Variants in PRDM1 observed in about 807,000 individuals in gnomAD.
PRDM1 encodes PR domain zinc finger protein 1.
PRDM1 carries 13 observed loss-of-function variants against 62.8 expected under a neutral mutation model. That is an observed-to-expected ratio of 0.21 (90% CI 0.13 to 0.33). The LOEUF (loss-of-function observed/expected upper bound fraction) is 0.33. Among genes scored for constraint, PRDM1 ranks in the 10% least tolerant of loss-of-function variants. The pLI is 1.00. For synonymous variants in PRDM1, 396 were observed against 417.6 expected (o/e 0.95, Z 0.63); for missense variants, 895 against 1,058.8 (o/e 0.85, Z 2.15).
At position 106,013,330 on chromosome 6, in the gene PRDM1, C is replaced by CTT. The variant is rs66943648; in HGVS notation, c.-67+19705_-67+19706dup. ...CCTGTAAACTGCTTTTTGAACTTTTCTTTTTTTTTTTTTTTGAGACAGAGT... is the reference window on the plus strand; with the variant it reads ...CCTGTAAACTGCTTTTTGAACTTTTCTTTTTTTTTTTTTTTTTGAGACAGAGT... On this transcript the variant is annotated intron_variant, in intron 1 of 6. Transcript: ENST00000652320. Among the ~76,000 whole-genome samples the CTT allele has an allele frequency of 3.2e-3, 455 of 140,078 alleles. 1 individual carries two copies. Among genetic ancestry groups the CTT allele is most frequent in the South Asian group, 6.5e-3 (29 of 4,452 alleles). 91.9% of individuals were successfully genotyped at this position (140,078 alleles called of 152,430 possible).
In PRDM1 at chr6:106,074,950, G is replaced by A. The variant is rs565664987; in HGVS notation, c.-66-13251G>A. On this transcript the variant is annotated intron_variant, in intron 1 of 6. Coordinates refer to the PRDM1 transcript ENST00000651185. ...GGCCTTGGTCCTGCATCAAAGATGG[G>A]AGAGTTGACATATTGTTTCCAATAC... Among the ~76,000 whole-genome samples the A allele has an allele frequency of 1.5e-3, 229 of 152,306 alleles. 1 individual carries two copies. The highest frequency in any genetic ancestry group is 5.4e-3 in the African/African-American group (226 of 41,570).
intron 1 of PRDM1, among the ~76,000 whole-genome samples, chr6:106,052,346 GA>G (rs1417266914): frequency 3.9e-5 from 6 of 152,082 alleles, no homozygotes; most frequent in Non-Finnish European, 8.8e-5. Flanking sequence ...ATTTTGGCAA[GA>G]TTTTTTTTAC....
At chr6:106,098,776 G>T in intron 3 of PRDM1, 3 of 1,483,670 alleles carry the variant, frequency 2.0e-6, no homozygotes, top group South Asian at 1.2e-5. Context: ...TGGAGGGTTG[G>T]GGGTGGAGGA....
chr6:106,092,213 T>C (rs978342653), intron 2 of PRDM1, among the ~76,000 whole-genome samples: 3 of 151,576 alleles, frequency 2.0e-5, no homozygotes, highest in Middle Eastern at 3.5e-3. Context: ...TCCTAAGCTG[T>C]CAAATCTCCT....
chr6:106,097,657 G>A (rs1774147108), intron 3 of PRDM1, among the ~76,000 whole-genome samples: 1 of 152,176 alleles, frequency 6.6e-6, no homozygotes, highest in Non-Finnish European at 1.5e-5. Context: ...TTACATATGC[G>A]TTATTTTATT....
At chr6:106,001,283 C>T (rs1772421532) in intron 1 of PRDM1, among the ~76,000 whole-genome samples, 1 of 152,118 alleles carries the variant, frequency 6.6e-6, no homozygotes, top group Non-Finnish European at 1.5e-5. Flanking sequence ...TAATTCCTTA[C>T]TGGTATGTTT....
At chr6:106,063,145 A>ACCT (rs1484997770) in intron 1 of PRDM1, among the ~76,000 whole-genome samples, 1 of 152,188 alleles carries the variant, frequency 6.6e-6, no homozygotes, top group Non-Finnish European at 1.5e-5. Context: ...CTAACTCAAC[A>ACCT]CCTCCTTTCC....
In PRDM1 at chr6:106,105,860, A is replaced by G. The variant is rs1467684599; in HGVS notation, c.1700A>G (p.Lys567Arg). 3.7e-6 allele frequency: 6 copies of G among 1,614,234 alleles called. No homozygotes were observed. Among genetic ancestry groups the G allele is most frequent in the Non-Finnish European group, 8.5e-7 (1 of 1,180,044 alleles). ...TACAAGACCCTTCCCTACCCGCTGA[A>G]GAAGCAGAACGGCAAGATCAAGTAC... ...TGYKTLPYPL[K>R]KQNGKIKYEC... The change falls in exon 5 of 7, where the codon AAG (lysine) becomes AGG (arginine). Residue 567 changes from lysine to arginine, a missense_variant. Physicochemically the swap from Lys to Arg is conservative, Grantham distance 26. Around this residue, in one of 4 missense-constraint regions of PRDM1, gnomAD observed 74 missense variants for 172.4 expected, o/e 0.43. Transcript: ENST00000369096.
In PRDM1 at chr6:106,107,005, C is replaced by T. The variant is rs781596851; in HGVS notation, c.1997C>T (p.Ala666Val). Residue 666 changes from alanine (A) to valine (V), a missense_variant, in exon 7 of 7, where the codon GCC (alanine) becomes GTC (valine). By Grantham distance (64) the Ala-to-Val change is moderately conservative. Coordinates refer to ENST00000369096, the MANE Select transcript of PRDM1 (RefSeq NM_001198.4). The part of the protein sequence containing the change: ...EKPYQCKVCP[A>V]KFTQFVHLKL... The stretch of plus-strand genomic sequence containing the variant: ...CCATACCAATGCAAGGTGTGCCCTG[C>T]CAAGTTCACCCAGTTTGTGCACCTG... The T allele has an allele frequency of 6.2e-7, 1 of 1,614,180 alleles. No homozygotes were observed. The highest frequency in any genetic ancestry group is 8.5e-7 in the Non-Finnish European group (1 of 1,180,042).
rs142530056 is a variant in PRDM1, at chr6:106,073,956, A to G, written c.-66-14245A>G. 9.2e-5 allele frequency among the ~76,000 whole-genome samples: 14 copies of G among 152,312 alleles called. No homozygotes were observed. In the East Asian group the frequency reaches 2.7e-3, roughly 29 times the overall value. On this transcript the variant is annotated intron_variant, in intron 1 of 6. Coordinates refer to the PRDM1 transcript ENST00000651185. ...ATCCACATGAGTGGAGACAAAGACT[A>G]CAGACAGCCTCTGGTCAGCATCCGT...
chr6:106,038,698 A>T (rs1264817037), intron 1 of PRDM1, among the ~76,000 whole-genome samples: 1 of 152,186 alleles, frequency 6.6e-6, no homozygotes, highest in African/African-American at 2.4e-5. Flanking sequence ...TCCCTTTTGC[A>T]CACCCTGGCA....
intron 1 of PRDM1, chr6:106,087,665 G>C (rs750357092): frequency 3.9e-5 from 9 of 232,920 alleles, no homozygotes; most frequent in Non-Finnish European, 7.6e-5. Context: ...TTTGCGTTGG[G>C]AGCTGGTGGG....
At chr6:106,060,416 G>A (rs114925175) in intron 1 of PRDM1, among the ~76,000 whole-genome samples, 1,658 of 152,314 alleles carry the variant, frequency 0.011, 30 homozygotes, top group African/African-American at 0.037. Context: ...GCAATCATGG[G>A]TGAGAAAGCT....
intron 1 of PRDM1, among the ~76,000 whole-genome samples, chr6:106,050,603 A>G (rs1477160444): frequency 6.6e-6 from 1 of 152,150 alleles, no homozygotes; most frequent in Non-Finnish European, 1.5e-5. Context: ...TGCGCGTGCT[A>G]GGTTCTCTCC....
At chr6:106,068,283 G>C (rs1773463995) in intron 1 of PRDM1, among the ~76,000 whole-genome samples, 1 of 151,948 alleles carries the variant, frequency 6.6e-6, no homozygotes, top group East Asian at 1.9e-4. Flanking sequence ...GTAGAGACAG[G>C]GTTTCACCAT....
At chr6:106,048,296 A>C (rs908961664), upstream of PRDM1, among the ~76,000 whole-genome samples, 4 of 151,374 alleles carry the variant, frequency 2.6e-5, no homozygotes, top group African/African-American at 9.7e-5. Flanking sequence ...CTGAGGTGAG[A>C]GGATTGCTGG....
At chr6:106,050,265 A>G (rs996645250) in intron 1 of PRDM1, among the ~76,000 whole-genome samples, 4 of 152,208 alleles carry the variant, frequency 2.6e-5, no homozygotes, top group African/African-American at 4.8e-5. Flanking sequence ...TAGGCTTAAT[A>G]GAAGTAAAAA....
rs1050946091 is a variant in PRDM1 at position 106,098,425 on chromosome 6, C to T, written c.412-875C>T. 2.2e-5 allele frequency: 22 copies of T among 985,258 alleles called. No homozygotes were observed. In the South Asian group the frequency reaches 9.4e-4, roughly 42 times the overall value. The allele number at this position is 985,258 out of a possible 1,614,324, so 61.0% of individuals were successfully genotyped here. On this transcript the variant is annotated intron_variant, in intron 3 of 6. Transcript: ENST00000369096. Reference sequence around the variant, plus strand: ...ATCCAGAAGTAGTATTACTCTAGGACAAACTTCAAATTCTTCATTCTGCGT... The same window carrying T: ...ATCCAGAAGTAGTATTACTCTAGGATAAACTTCAAATTCTTCATTCTGCGT...
At chr6:106,076,033 C>A (rs1222782428) in intron 1 of PRDM1, among the ~76,000 whole-genome samples, 2 of 151,736 alleles carry the variant, frequency 1.3e-5, no homozygotes, top group African/African-American at 4.8e-5. Context: ...CTCACTGTAA[C>A]CTCCACTTCC....
Sources: gnomAD v4.1 joint callset for allele counts (sites outside exome capture counted in the v4.1 genomes callset) on GRCh38, gnomAD v4.1.1 for gene constraint, gnomAD v4.1.1 regional missense constraint, MANE v1.5 for transcripts, NCBI Gene and HGNC (gene_info 2026-07-23, HGNC 2026-07-21) for gene names.